RANBP2: variants seen among roughly 807,000 people sequenced by gnomAD.
RANBP2 encodes the protein RAN binding protein 2, also known as E3 SUMO-protein ligase RanBP2.
A neutral mutation model predicts 303.6 loss-of-function variants in RANBP2; 57 were observed. The observed-to-expected ratio is 0.19, with a 90% confidence interval of 0.15 to 0.23. RANBP2 has a LOEUF of 0.23. RANBP2 is among the 10% of genes least tolerant of loss of function. The pLI is 1.00. For missense variants in RANBP2, 3,138 were observed against 3,780.8 expected, an observed-to-expected ratio of 0.83 and a Z score of 4.46; for synonymous variants, 1,167 against 1,301.5, an observed-to-expected ratio of 0.90 and a Z score of 2.23.
At chr2:109,064,141 C>A in the RANBP2 span, among the ~76,000 whole-genome samples, 6 of 152,248 alleles carry the variant, frequency 3.9e-5, no homozygotes, top group Middle Eastern at 3.4e-3. Context: ...TAATGTTATT[C>A]CCATTTTAGA....
At chr2:108,823,377 A>G in the RANBP2 span, among the ~76,000 whole-genome samples, 4 of 152,242 alleles carry the variant, frequency 2.6e-5, no homozygotes, top group African/African-American at 7.2e-5. Context: ...TGATGCAAAA[A>G]TCCTCAACAA....
the RANBP2 span, among the ~76,000 whole-genome samples, chr2:109,295,457 G>C: frequency 1.3e-5 from 2 of 152,250 alleles, no homozygotes; most frequent in Admixed American, 1.3e-4. Flanking sequence ...GCAGGGCAGG[G>C]AGAGGACCCT....
chr2:109,296,016 A>G, the RANBP2 span, among the ~76,000 whole-genome samples: 1 of 152,024 alleles, frequency 6.6e-6, no homozygotes, highest in Non-Finnish European at 1.5e-5. Context: ...TGAAGGATTG[A>G]TGGGAGGCTC....
chr2:109,292,585 A>C, the RANBP2 span, among the ~76,000 whole-genome samples: 4 of 152,116 alleles, frequency 2.6e-5, no homozygotes, highest in South Asian at 8.3e-4. Context: ...TTCACATTGC[A>C]TTCCCTGATT....
chr2:109,636,148 G>C, the RANBP2 span, among the ~76,000 whole-genome samples: 1 of 152,142 alleles, frequency 6.6e-6, no homozygotes, highest in African/African-American at 2.4e-5. Context: ...CCTTGATCTT[G>C]GACTTCCAGC....
the RANBP2 span, among the ~76,000 whole-genome samples, chr2:109,189,449 A>G: frequency 1.2e-3 from 189 of 151,346 alleles, no homozygotes; most frequent in Middle Eastern, 3.4e-3. Flanking sequence ...GCTCACTGCA[A>G]CCTCTGCCTC....
At chr2:109,707,725 C>T in the RANBP2 span, among the ~76,000 whole-genome samples, 1 of 152,196 alleles carries the variant, frequency 6.6e-6, no homozygotes, top group Non-Finnish European at 1.5e-5. Flanking sequence ...TTTGAATAGC[C>T]CTCTGCCCAT....
At chr2:109,090,360 C>T in the RANBP2 span, among the ~76,000 whole-genome samples, 1 of 147,652 alleles carries the variant, frequency 6.8e-6, no homozygotes, top group African/African-American at 2.6e-5. Context: ...ACACACACAC[C>T]ACGTCTATGG....
the RANBP2 span, among the ~76,000 whole-genome samples, chr2:109,573,149 T>C: frequency 1.3e-5 from 2 of 152,126 alleles, no homozygotes; most frequent in Admixed American, 1.3e-4. Context: ...TATCTGCCTC[T>C]TGAGGTAGTT....
At chr2:109,406,453 G>A in the RANBP2 span, among the ~76,000 whole-genome samples, 2 of 152,064 alleles carry the variant, frequency 1.3e-5, no homozygotes, top group Admixed American at 6.5e-5. Flanking sequence ...CCACGTTCTC[G>A]GAGGCACCAA....
chr2:109,623,489 C>G, the RANBP2 span, among the ~76,000 whole-genome samples: 5 of 152,304 alleles, frequency 3.3e-5, no homozygotes, highest in Admixed American at 3.3e-4. Context: ...GGACTCTGCC[C>G]CACAATTCTT....
the RANBP2 span, among the ~76,000 whole-genome samples, chr2:109,393,628 C>G: frequency 6.6e-6 from 1 of 152,052 alleles, no homozygotes; most frequent in Admixed American, 6.5e-5. Context: ...TGCTTGCACC[C>G]TTGGCTTCCT....
intron 24 of RANBP2, among the ~76,000 whole-genome samples, chr2:108,776,367 C>T (rs1175692549): frequency 6.6e-6 from 1 of 151,974 alleles, no homozygotes; most frequent in Non-Finnish European, 1.5e-5. Flanking sequence ...TTCTTATTTT[C>T]TCTAATACTT....
the RANBP2 span, among the ~76,000 whole-genome samples, chr2:109,400,512 T>A: frequency 6.6e-6 from 1 of 151,128 alleles, no homozygotes; most frequent in Non-Finnish European, 1.5e-5. Context: ...CATACACCCC[T>A]CCAGGTGCAC....
At chr2:109,074,148 C>T in the RANBP2 span, among the ~76,000 whole-genome samples, 4 of 150,860 alleles carry the variant, frequency 2.7e-5, 1 homozygote, top group Non-Finnish European at 5.9e-5. Flanking sequence ...GAGCAGATCA[C>T]TTGAGGTCAG....
chr2:109,370,054 A>G, the RANBP2 span, among the ~76,000 whole-genome samples: 390 of 152,248 alleles, frequency 2.6e-3, 2 homozygotes, highest in African/African-American at 9.0e-3. Flanking sequence ...TAACGGGGGC[A>G]GTTTAGGCTG....
At chr2:108,781,183 G>A (rs1224566940) in intron 25 of RANBP2, 86 bp from the exon 26 acceptor site, 28 of 1,291,766 alleles carry the variant, frequency 2.2e-5, no homozygotes, top group Non-Finnish European at 2.8e-5. Flanking sequence ...ACATCATCAG[G>A]AATTAGAGGG....
chr2:109,148,860 T>G, the RANBP2 span, among the ~76,000 whole-genome samples: 1 of 151,988 alleles, frequency 6.6e-6, no homozygotes, highest in Non-Finnish European at 1.5e-5. Context: ...TTAAAAAGTA[T>G]TTTAGGTGAA....
chr2:109,168,467 G>A, the RANBP2 span, among the ~76,000 whole-genome samples: 1 of 152,284 alleles, frequency 6.6e-6, no homozygotes, highest in East Asian at 1.9e-4. Context: ...GAGGGAGAGG[G>A]CAAGATGGGC....
Sources: allele counts gnomAD v4.1 joint callset (sites outside exome capture counted in the v4.1 genomes callset), GRCh38; gene constraint gnomAD v4.1.1; transcripts MANE v1.5; gene names NCBI Gene and HGNC (gene_info 2026-07-23, HGNC 2026-07-21).